Variants in COG5 observed in about 807,000 individuals in gnomAD.
The protein encoded by COG5 is conserved oligomeric Golgi complex subunit 5.
A neutral mutation model predicts 110.4 loss-of-function variants in COG5; 86 were observed. The ratio of observed to expected loss-of-function variants is 0.78; its 90% CI spans 0.65 to 0.93. COG5 has a LOEUF of 0.93. Among genes scored for constraint, COG5 ranks in the 40% least tolerant of loss-of-function variants. The pLI is 0.00. For synonymous variants in COG5, 360 were observed against 334.6 expected (o/e 1.08, Z -0.83); for missense variants, 1,077 against 987.0 (o/e 1.09, Z -1.22).
intron 21 of COG5, chr7:107,208,419 T>A: frequency 1.0e-6 from 1 of 985,416 alleles, no homozygotes; most frequent in South Asian, 4.7e-5. Flanking sequence ...TTGGATGAAC[T>A]CATTCCAACT....
At chr7:107,248,887 C>A (rs146570787) in intron 16 of COG5, among the ~76,000 whole-genome samples, 2 of 152,250 alleles carry the variant, frequency 1.3e-5, no homozygotes, top group Non-Finnish European at 2.9e-5. Context: ...AGAATTGGAA[C>A]AACATCATAT....
At chr7:107,251,293 C>G (rs1289132698) in intron 16 of COG5, among the ~76,000 whole-genome samples, 1 of 152,034 alleles carries the variant, frequency 6.6e-6, no homozygotes, top group East Asian at 1.9e-4. Context: ...GTATAAACAT[C>G]CTTCAAAGAT....
At chr7:107,379,415 A>G (rs1268238319) in intron 7 of COG5, among the ~76,000 whole-genome samples, 1 of 152,198 alleles carries the variant, frequency 6.6e-6, no homozygotes, top group Non-Finnish European at 1.5e-5. Flanking sequence ...AAATTCACAC[A>G]AAACAATATT....
At chr7:107,353,367 G>GT (rs11386583) in intron 10 of COG5, among the ~76,000 whole-genome samples, 23,054 of 147,510 alleles carry the variant, frequency 0.16, 2,240 homozygotes, top group Non-Finnish European at 0.22. Flanking sequence ...GGAGCTTGCA[G>GT]TGAGCCGAGA....
chr7:107,269,421 G>A (rs1029335645), intron 14 of COG5, among the ~76,000 whole-genome samples: 2 of 150,822 alleles, frequency 1.3e-5, no homozygotes, highest in African/African-American at 4.9e-5. Context: ...CTTGCAGTGA[G>A]CCGAGATCGT....
At chr7:107,304,917 A>G (rs2116955623) in intron 11 of COG5, among the ~76,000 whole-genome samples, 1 of 152,336 alleles carries the variant, frequency 6.6e-6, no homozygotes, top group South Asian at 2.1e-4. Flanking sequence ...TAAAAGCTGG[A>G]TATGCAAGGG....
At chr7:107,509,561 C>T (rs1584913132) in intron 6 of COG5, among the ~76,000 whole-genome samples, 1 of 152,154 alleles carries the variant, frequency 6.6e-6, no homozygotes, top group African/African-American at 2.4e-5. Flanking sequence ...CACAAAGATG[C>T]TCCTCGAGAA....
Position 107,331,386 on chromosome 7 carries a change from T to C in COG5, c.1027-6865A>G, listed in dbSNP as rs368855725. ...AGGAGGCTGAGGCAGGAGAATGGCG[T>C]GAACCCGGGAGGCGGAGCTTGCAGT... is the stretch of plus-strand genomic sequence containing the variant. On this transcript the variant is annotated intron_variant, in intron 10 of 21. Coordinates refer to ENST00000297135, the MANE Select transcript of COG5 (RefSeq NM_006348.5). 5.3e-5 allele frequency among the ~76,000 whole-genome samples: 8 copies of C among 151,812 alleles called. No individual in the cohort carries two copies. The East Asian group carries it at 1.6e-3, about 29-fold the overall frequency.
chr7:107,256,933 A>G (rs950059369), intron 15 of COG5, 139 bp from the exon 16 acceptor site: 2 of 654,124 alleles, frequency 3.1e-6, no homozygotes, highest in Non-Finnish European at 2.7e-6. Flanking sequence ...TATCTTATAC[A>G]TGATTTTAAA....
chr7:107,446,994 G>GA (rs1334322401), intron 6 of COG5, among the ~76,000 whole-genome samples: 2 of 152,222 alleles, frequency 1.3e-5, no homozygotes, highest in Non-Finnish European at 2.9e-5. Context: ...TTGCAAACCT[G>GA]AAATCAAGGT....
intron 6 of COG5, among the ~76,000 whole-genome samples, chr7:107,486,240 T>C (rs1225395926): frequency 6.6e-6 from 1 of 152,090 alleles, no homozygotes; most frequent in East Asian, 1.9e-4. Context: ...TCCATCATCA[T>C]AGTTTACGCC....
At chr7:107,271,671 T>C (rs1023328227) in intron 14 of COG5, among the ~76,000 whole-genome samples, 2 of 152,192 alleles carry the variant, frequency 1.3e-5, no homozygotes, top group African/African-American at 4.8e-5. Flanking sequence ...TTACTAAAAA[T>C]CATAATTCTA....
chr7:107,318,174 C>T (rs750238418), intron 11 of COG5, among the ~76,000 whole-genome samples: 46 of 151,986 alleles, frequency 3.0e-4, no homozygotes, highest in Non-Finnish European at 6.0e-4. Context: ...ACTACAGACG[C>T]GTGCCACCAC....
intron 3 of COG5, among the ~76,000 whole-genome samples, chr7:107,550,012 C>T (rs1802771722): frequency 6.6e-6 from 1 of 151,818 alleles, no homozygotes; most frequent in South Asian, 2.1e-4. Flanking sequence ...TGTCCTCTTT[C>T]TCTCTCTTCC....
intron 2 of COG5, among the ~76,000 whole-genome samples, chr7:107,555,938 C>T (rs1042386940): frequency 1.3e-5 from 2 of 151,482 alleles, no homozygotes; most frequent in South Asian, 2.1e-4. Flanking sequence ...CATTTGAACC[C>T]GGGAGGCAGA....
chr7:107,278,137 T>A (rs1257943883), intron 14 of COG5, among the ~76,000 whole-genome samples: 1 of 152,226 alleles, frequency 6.6e-6, no homozygotes, highest in Non-Finnish European at 1.5e-5. Flanking sequence ...CAGGTTGTAT[T>A]TGCAAGTCAC....
At chr7:107,268,591 A>C (rs1303302100) in intron 14 of COG5, among the ~76,000 whole-genome samples, 1 of 152,152 alleles carries the variant, frequency 6.6e-6, no homozygotes, top group Non-Finnish European at 1.5e-5. Flanking sequence ...CTTCCCCACC[A>C]CAGTCTCTCA....
chr7:107,529,714 C>T lies in COG5; in HGVS notation c.418-2357G>A, dbSNP rs144268938. 6.1e-4 allele frequency among the ~76,000 whole-genome samples: 93 copies of T among 152,266 alleles called. 4 individuals are homozygous for T. The East Asian group carries it at 0.014, about 22-fold the overall frequency. ...AGTGCCCACGTGGGACTCTTCCAAG[C>T]GTACTTTCCTTTCTTTCTTTCCTGT... On this transcript the variant is annotated intron_variant, in intron 5 of 21. Coordinates refer to ENST00000297135, the MANE Select transcript of COG5 (RefSeq NM_006348.5).
At chr7:107,491,013 T>A (rs907791368) in intron 6 of COG5, among the ~76,000 whole-genome samples, 1 of 152,108 alleles carries the variant, frequency 6.6e-6, no homozygotes, top group Non-Finnish European at 1.5e-5. Context: ...TCAGTAGAAG[T>A]CTTCCTAACT....
Sources: gnomAD v4.1 joint callset for allele counts (sites outside exome capture counted in the v4.1 genomes callset) on GRCh38, gnomAD v4.1.1 for gene constraint, MANE v1.5 for transcripts, NCBI Gene and HGNC (gene_info 2026-07-23, HGNC 2026-07-21) for gene names.